SCN8A: variants seen among roughly 807,000 people sequenced by gnomAD.
SCN8A encodes sodium voltage-gated channel alpha subunit 8.
SCN8A carries 30 observed loss-of-function variants against 184.1 expected under a neutral mutation model. The ratio of observed to expected loss-of-function variants is 0.16; its 90% confidence interval spans 0.12 to 0.22. The LOEUF is 0.22. SCN8A is among the 10% of genes least tolerant of loss of function. SCN8A has a pLI of 1.00. For synonymous variants in SCN8A, 852 were observed against 907.0 expected (o/e 0.94, Z 1.09); for missense variants, 1,057 against 2,498.9 (o/e 0.42, Z 12.30).
At chr12:51,781,050 G>A (rs919583893) in intron 21 of SCN8A, among the ~76,000 whole-genome samples, 2 of 152,152 alleles carry the variant, frequency 1.3e-5, no homozygotes, top group African/African-American at 4.8e-5. Context: ...GTAGCACTCG[G>A]GGCGGCTTTC....
At chr12:51,757,416 C>G (rs1942693082) in intron 14 of SCN8A, among the ~76,000 whole-genome samples, 1 of 152,018 alleles carries the variant, frequency 6.6e-6, no homozygotes, top group South Asian at 2.1e-4. Context: ...GCTGACAAGC[C>G]CTTTTCTGAG....
chr12:51,662,383 A>G (rs1442143141), intron 1 of SCN8A, among the ~76,000 whole-genome samples: 1 of 152,204 alleles, frequency 6.6e-6, no homozygotes, highest in Admixed American at 6.5e-5. Flanking sequence ...GCTTTAGGAA[A>G]GGAAGGTGAC....
chr12:51,677,449 G>T (rs545440053), intron 2 of SCN8A, among the ~76,000 whole-genome samples: 1 of 152,032 alleles, frequency 6.6e-6, no homozygotes, highest in South Asian at 2.1e-4. Flanking sequence ...TTGGGATGGG[G>T]TGGAGACATG....
chr12:51,663,996 G>A (rs904275959), intron 2 of SCN8A, among the ~76,000 whole-genome samples: 2 of 129,362 alleles, frequency 1.5e-5, no homozygotes, highest in South Asian at 5.1e-4. Flanking sequence ...TGCAACCTCC[G>A]CCTCCTGGTT....
At chr12:51,778,786 TC>T (rs1373611651) in intron 20 of SCN8A, among the ~76,000 whole-genome samples, 2 of 152,174 alleles carry the variant, frequency 1.3e-5, no homozygotes, top group African/African-American at 2.4e-5. Context: ...TCTTTTTTTT[TC>T]CTCTCTAAAT....
chr12:51,761,383 G>A (rs1215730275), intron 14 of SCN8A, among the ~76,000 whole-genome samples: 18 of 151,934 alleles, frequency 1.2e-4, no homozygotes, highest in South Asian at 6.2e-4. Flanking sequence ...AGGAAGCACC[G>A]AAGTCTCCAA....
At chr12:51,663,903 ATTTTTTTTT>A (rs796653928) in intron 2 of SCN8A, among the ~76,000 whole-genome samples, 32 of 69,828 alleles carry the variant, frequency 4.6e-4, no homozygotes, top group East Asian at 1.1e-3. Context: ...CATTTGACAG[ATTTTTTTTT>A]TTTTTTTTTT....
rs1942130600 is a variant in SCN8A, at chr12:51,724,809, G to A, written c.1998+2901G>A. ...TAGAGAAGGTATTCAGAAAGAAGGA[G>A]CTTAAACTTCAGCTGAAGAGAGATG... On this transcript the variant is annotated intron_variant, in intron 12 of 26. Transcript: ENST00000627620. Among the ~76,000 whole-genome samples the A allele has an allele frequency of 2.6e-5, 4 of 152,340 alleles. No homozygotes were observed. In the South Asian group the frequency reaches 8.3e-4, roughly 32 times the overall value.
At chr12:51,696,279 T>G (rs1316819533) in intron 6 of SCN8A, among the ~76,000 whole-genome samples, 2 of 152,286 alleles carry the variant, frequency 1.3e-5, no homozygotes, top group African/African-American at 4.8e-5. Flanking sequence ...CCCATTCAAG[T>G]ATTATTTTTT....
intron 2 of SCN8A, among the ~76,000 whole-genome samples, chr12:51,664,903 C>T (rs1941002202): frequency 1.3e-5 from 2 of 152,018 alleles, no homozygotes; most frequent in South Asian, 4.2e-4. Context: ...CTCTGACAGG[C>T]CCCGATGTGT....
intron 19 of SCN8A, among the ~76,000 whole-genome samples, chr12:51,770,897 C>T (rs576853753): frequency 2.0e-5 from 3 of 152,180 alleles, no homozygotes; most frequent in Non-Finnish European, 2.9e-5. Flanking sequence ...AGCACTGTCC[C>T]TCTCATGTGT....
chr12:51,645,330 TG>T lies in SCN8A; in HGVS notation c.-54-17427del, dbSNP rs552314972. ...CCAGCCGCCCCGTCCAGGAGGGAGG[TG>T]GGGGGGTTCAGCCCCCCGTCTGGCC... On this transcript the variant is annotated intron_variant, in intron 1 of 26. Coordinates refer to ENST00000627620, the MANE Select transcript of SCN8A (RefSeq NM_001330260.2). Among the ~76,000 whole-genome samples the T allele has an allele frequency of 4.7e-3, 594 of 126,350 alleles. 5 individuals carry two copies. The highest frequency in any genetic ancestry group is 0.018 in the Middle Eastern group (4 of 228). The allele number at this position is 126,350 out of a possible 152,430, so 82.9% of individuals were successfully genotyped here. A position where few individuals can be genotyped will look rare whatever the true frequency, so the allele number is the denominator to read the frequency against.
chr12:51,684,079 T>A, intron 2 of SCN8A, 95 bp from the exon 3 acceptor site: 1 of 749,324 alleles, frequency 1.3e-6, no homozygotes, highest in Non-Finnish European at 2.4e-6. Flanking sequence ...TATTAAAGAC[T>A]TTTGAGTTTA....
intron 13 of SCN8A, among the ~76,000 whole-genome samples, chr12:51,750,503 G>A (rs1942579608): frequency 6.6e-6 from 1 of 152,054 alleles, no homozygotes; most frequent in Admixed American, 6.5e-5. Context: ...AAGGGGAGAG[G>A]AGTGTGACTT....
Position 51,808,032 on chromosome 12 carries a change from C to T in SCN8A, c.*603C>T. 1 of 166,748 alleles carries T rather than the reference C, an allele frequency of 6.0e-6. No homozygotes were observed. 10.3% of individuals were successfully genotyped at this position (166,748 alleles called of 1,614,324 possible). A position where few individuals can be genotyped will look rare whatever the true frequency, so the allele number is the denominator to read the frequency against. On this transcript the variant is annotated 3_prime_UTR_variant, in exon 27 of 27. Transcript: ENST00000627620. ...TTCTTCAGGCTGAGGAGGACTTGCT[C>T]AGGCCGATTCCAAACATTGTGCTCG...
intron 12 of SCN8A, among the ~76,000 whole-genome samples, chr12:51,736,647 A>G (rs1359005730): frequency 6.6e-6 from 1 of 152,212 alleles, no homozygotes; most frequent in Admixed American, 6.5e-5. Flanking sequence ...GTCCTGGAAG[A>G]GGTGTATGAG....
chr12:51,732,859 T>C lies in SCN8A; in HGVS notation c.1998+10951T>C, dbSNP rs139342382. 3.5e-3 allele frequency among the ~76,000 whole-genome samples: 531 copies of C among 152,278 alleles called. 2 individuals carry two copies. The highest frequency in any genetic ancestry group is 0.012 in the African/African-American group (501 of 41,556). ...TACTTTTTTTATTTCTTTTTCAGATTGTCCACCTTTGGCATATAGAAATGC... is the reference window on the plus strand; with the variant it reads ...TACTTTTTTTATTTCTTTTTCAGATCGTCCACCTTTGGCATATAGAAATGC... On this transcript the variant is annotated intron_variant, in intron 12 of 26. Transcript: ENST00000627620.
At chr12:51,726,709 T>C (rs1292298042) in intron 12 of SCN8A, among the ~76,000 whole-genome samples, 1 of 152,200 alleles carries the variant, frequency 6.6e-6, no homozygotes, top group Non-Finnish European at 1.5e-5. Flanking sequence ...GTGTGAAGCA[T>C]ATTATGTGGC....
intron 26 of SCN8A, among the ~76,000 whole-genome samples, chr12:51,796,979 C>T (rs1421704475): frequency 2.0e-5 from 3 of 152,172 alleles, no homozygotes; most frequent in African/African-American, 7.2e-5. Flanking sequence ...CTTCCTCTCC[C>T]AGTCCACTGA....
Sources: gnomAD v4.1 joint callset for allele counts (sites outside exome capture counted in the v4.1 genomes callset) on GRCh38, gnomAD v4.1.1 for gene constraint, MANE v1.5 for transcripts, NCBI Gene and HGNC (gene_info 2026-07-23, HGNC 2026-07-21) for gene names.